STK32B: variants seen among roughly 807,000 people sequenced by gnomAD.
STK32B encodes serine/threonine-protein kinase 32B.
Under a neutral mutation model 52.6 loss-of-function variants are expected in STK32B, and 43 were observed. That is an observed-to-expected ratio of 0.82 (90% CI 0.64 to 1.05). The LOEUF (loss-of-function observed/expected upper bound fraction) is 1.05. Among genes scored for constraint, STK32B ranks in the 50% least tolerant of loss-of-function variants. The probability of loss-of-function intolerance (pLI) is 0.00; values close to 1 mark genes in which losing one functional copy is unlikely to be tolerated. For missense variants in STK32B, 621 were observed against 534.6 expected (o/e 1.16, Z -1.59); for synonymous variants, 238 against 204.3 (o/e 1.17, Z -1.41).
rs963744088 is a variant in STK32B at position 5,394,507 on chromosome 4, T to C, written c.435-3700T>C. On this transcript the variant is annotated intron_variant, in intron 4 of 11. Coordinates refer to ENST00000282908, the MANE Select transcript of STK32B (RefSeq NM_018401.3). This position sits in a 1 kb window ranked among gnomAD's most constrained non-coding sequence, Gnocchi z 4.2. ...GCTATTCTTATTAAATCCCAAGTGATTCAGATTCTCCATCTCCTCCACGCT... is the reference window on the plus strand; with the variant it reads ...GCTATTCTTATTAAATCCCAAGTGACTCAGATTCTCCATCTCCTCCACGCT... Among the ~76,000 whole-genome samples the C allele has an allele frequency of 1.3e-5, 2 of 152,218 alleles. No individual in the cohort carries two copies. The highest frequency in any genetic ancestry group is 4.8e-5 in the African/African-American group (2 of 41,460).
intron 3 of STK32B, among the ~76,000 whole-genome samples, chr4:5,313,996 G>A (rs67867013): frequency 0.12 from 17,771 of 152,162 alleles, 2,627 homozygotes; most frequent in African/African-American, 0.35. Context: ...AAAGATAACA[G>A]TTGTCCTCTA....
At chr4:5,341,976 C>T (rs1292391340) in intron 4 of STK32B, among the ~76,000 whole-genome samples, 2 of 152,122 alleles carry the variant, frequency 1.3e-5, no homozygotes, top group African/African-American at 2.4e-5. Flanking sequence ...GGTATTTCTC[C>T]TAATGCTATC....
intron 1 of STK32B, among the ~76,000 whole-genome samples, chr4:5,070,285 G>A (rs749202003): frequency 1.3e-5 from 2 of 151,894 alleles, no homozygotes; most frequent in Non-Finnish European, 2.9e-5. Context: ...GAGGAGCAGC[G>A]TCCTCTTGTC....
chr4:5,178,118 G>A (rs1009231713), intron 3 of STK32B, among the ~76,000 whole-genome samples: 3 of 152,192 alleles, frequency 2.0e-5, no homozygotes, highest in African/African-American at 7.2e-5. Flanking sequence ...TTCTCCATAA[G>A]GGCTCTGCCC....
At chr4:5,287,849 A>G (rs1412270237) in intron 3 of STK32B, among the ~76,000 whole-genome samples, 1 of 152,164 alleles carries the variant, frequency 6.6e-6, no homozygotes, top group Non-Finnish European at 1.5e-5. Context: ...TTGTGCAATC[A>G]TTACCACTAA....
chr4:5,168,522 G>T lies in STK32B; in HGVS notation c.260+72G>T, dbSNP rs1719072830. 36 of 1,463,782 alleles carry T rather than the reference G, an allele frequency of 2.5e-5. No individual in the cohort carries two copies. In the Admixed American group the frequency reaches 5.7e-4, roughly 23 times the overall value. The allele number at this position is 1,463,782 out of a possible 1,614,324, so 90.7% of individuals were successfully genotyped here. ...GCCAAATGCAAATTCGCCTCTGCTA[G>T]AGGGACTCTTCCGCATTGTAAAGGG... On this transcript the variant is annotated intron_variant, in intron 3 of 11. Coordinates refer to ENST00000282908, the MANE Select transcript of STK32B (RefSeq NM_018401.3).
chr4:5,271,989 C>A (rs1209302655), intron 3 of STK32B, among the ~76,000 whole-genome samples: 1 of 148,696 alleles, frequency 6.7e-6, no homozygotes, highest in Non-Finnish European at 1.5e-5. Context: ...AATTGAATAC[C>A]CTTTATTTCC....
In STK32B at chr4:5,395,205, A is replaced by G. The variant is rs1736807898; in HGVS notation, c.435-3002A>G. ...TGAGCTCTCACTCCAGTCTGCCAAG[A>G]CAGAGTCATATAATGTAACATAATC... On this transcript the variant is annotated intron_variant, in intron 4 of 11. Transcript: ENST00000282908. The surrounding 1 kb of genome is among the most constrained non-coding windows in gnomAD (Gnocchi z 4.4). Among the ~76,000 whole-genome samples, 1 of 152,202 alleles carries G rather than the reference A, an allele frequency of 6.6e-6. No individual in the cohort carries two copies. Among genetic ancestry groups the G allele is most frequent in the Non-Finnish European group, 1.5e-5 (1 of 68,034 alleles).
intron 4 of STK32B, among the ~76,000 whole-genome samples, chr4:5,371,002 A>ATATATATATATATATATGTATATATATG (rs1204029655): frequency 5.1e-5 from 6 of 118,422 alleles, no homozygotes; most frequent in African/African-American, 2.4e-4. Context: ...GTGTGTATAT[A>ATATATATATATATATATGTATATATATG]TATATATATG....
rs1189531794 is a variant in STK32B, at chr4:5,159,652, AAT to A, written c.109-8638_109-8637del. On this transcript the variant is annotated intron_variant, in intron 2 of 11. Coordinates refer to ENST00000282908, the MANE Select transcript of STK32B (RefSeq NM_018401.3). ...ATGAATATATATATGAATGTATATG[AAT>A]ATATATATGAATGTATATGAATATA... Among the ~76,000 whole-genome samples the A allele has an allele frequency of 1.2e-3, 104 of 86,608 alleles. 15 individuals are homozygous for A. Among genetic ancestry groups the A allele is most frequent in the African/African-American group, 4.8e-3 (68 of 14,268 alleles). 56.8% of individuals were successfully genotyped at this position (86,608 alleles called of 152,430 possible).
At chr4:5,336,075 G>A (rs1347243257) in intron 4 of STK32B, among the ~76,000 whole-genome samples, 1 of 149,552 alleles carries the variant, frequency 6.7e-6, no homozygotes, top group Non-Finnish European at 1.5e-5. Flanking sequence ...TGGGCTAAAG[G>A]ACATCAAGCC....
At chr4:5,478,375 C>T (rs1718399453) in intron 11 of STK32B, among the ~76,000 whole-genome samples, 1 of 152,142 alleles carries the variant, frequency 6.6e-6, no homozygotes, top group Non-Finnish European at 1.5e-5. Flanking sequence ...GCATTTTCTG[C>T]ATTTAGCACC....
intron 3 of STK32B, among the ~76,000 whole-genome samples, chr4:5,251,629 T>C (rs1725943682): frequency 6.6e-6 from 1 of 152,214 alleles, no homozygotes; most frequent in Non-Finnish European, 1.5e-5. Context: ...CATTGGTAGT[T>C]TGATAGGAAT....
chr4:5,100,900 T>A (rs1713746599), intron 1 of STK32B, among the ~76,000 whole-genome samples: 1 of 151,634 alleles, frequency 6.6e-6, no homozygotes, highest in Admixed American at 6.6e-5. Context: ...TTTCTTTTCC[T>A]TTTTCCTTTC....
intron 4 of STK32B, among the ~76,000 whole-genome samples, chr4:5,373,105 T>C (rs918195167): frequency 1.3e-5 from 2 of 152,146 alleles, no homozygotes; most frequent in African/African-American, 4.8e-5. Flanking sequence ...AAACTGTGAT[T>C]TGGCCTCAAG....
At chr4:5,454,043 A>C (rs1716271963) in intron 7 of STK32B, among the ~76,000 whole-genome samples, 1 of 151,940 alleles carries the variant, frequency 6.6e-6, no homozygotes, top group Non-Finnish European at 1.5e-5. Flanking sequence ...AGCCCCATAG[A>C]TTCCCTCCCC....
intron 3 of STK32B, among the ~76,000 whole-genome samples, chr4:5,241,838 G>C (rs1252739950): frequency 6.6e-6 from 1 of 151,990 alleles, no homozygotes; most frequent in Non-Finnish European, 1.5e-5. Context: ...TTGGTTTTTT[G>C]TCCTCGCGAT....
chr4:5,203,164 G>A (rs2046338628), intron 3 of STK32B, among the ~76,000 whole-genome samples: 2 of 152,126 alleles, frequency 1.3e-5, no homozygotes, highest in South Asian at 4.1e-4. Flanking sequence ...ATAAAATAAT[G>A]TATAAATAGT....
intron 3 of STK32B, among the ~76,000 whole-genome samples, chr4:5,289,735 G>A (rs1728772297): frequency 7.3e-6 from 1 of 137,576 alleles, no homozygotes; most frequent in Admixed American, 7.5e-5. Flanking sequence ...AGTAGAGATG[G>A]GGTTTCACCA....
Sources: gnomAD v4.1 joint callset for allele counts (sites outside exome capture counted in the v4.1 genomes callset) on GRCh38, gnomAD v4.1.1 for gene constraint, Gnocchi (gnomAD v3.1) non-coding constraint, MANE v1.5 for transcripts, NCBI Gene and HGNC (gene_info 2026-07-23, HGNC 2026-07-21) for gene names.